The following KLF2 variants were observed in gnomAD, a reference collection of about 807,000 sequenced individuals.
The protein encoded by KLF2 is KLF transcription factor 2.
KLF2 carries 9 observed loss-of-function variants against 22.2 expected under a neutral mutation model. That is an observed-to-expected ratio of 0.40 (90% confidence interval 0.24 to 0.71). The LOEUF (loss-of-function observed/expected upper bound fraction) is 0.71. KLF2 is among the 30% of genes least tolerant of loss of function. The pLI is 0.35. For missense variants in KLF2, 481 were observed against 542.1 expected (o/e 0.89, Z 1.12); for synonymous variants, 299 against 264.2 (o/e 1.13, Z -1.28).
rs1172870328 is a variant in KLF2, at chr19:16,324,960, A to G, written c.37A>G (p.Thr13Ala). Residue 13 changes from threonine (T) to alanine (A), a missense_variant, in exon 1 of 3, where the codon ACT becomes GCT. By Grantham distance (58) the Thr-to-Ala change is moderately conservative (BLOSUM62 0). Transcript: ENST00000248071. ...TGAACCCATCCTGCCGTCCTTCTCC[A>G]CTTTCGCCAGCCCGTGCCGCGAGCG... is the stretch of plus-strand genomic sequence containing the variant. ...LSEPILPSFSTFASPCRERGL... is the reference protein window; with the variant it reads ...LSEPILPSFSAFASPCRERGL... 22 of 1,602,244 alleles carry G rather than the reference A, an allele frequency of 1.4e-5. No homozygotes were observed. Among genetic ancestry groups the G allele is most frequent in the Non-Finnish European group, 1.9e-5 (22 of 1,175,426 alleles).
intron 2 of KLF2, 149 bp from the exon 3 acceptor site, chr19:16,326,707 G>C: frequency 1.3e-6 from 1 of 756,068 alleles, no homozygotes; most frequent in East Asian, 2.7e-5. Context: ...GGGAGTTGGG[G>C]ATGTAGGGCA....
intron 2 of KLF2, 49 bp from the exon 3 acceptor site, chr19:16,326,807 C>T: frequency 6.4e-7 from 1 of 1,568,168 alleles, no homozygotes; most frequent in African/African-American, 1.3e-5. Flanking sequence ...GCCATACGTG[C>T]CCTGTCCTGG....
chr19:16,327,297 CT>C lies in KLF2; in HGVS notation c.*267del. Reference sequence around the variant, plus strand: ...GGTGCAATAATTTAAGTGGCATCTTCTCTCCCACCGGGTCTACACTAGAGGA... The same window carrying C: ...GGTGCAATAATTTAAGTGGCATCTTCCTCCCACCGGGTCTACACTAGAGGA... On this transcript the variant is annotated 3_prime_UTR_variant, in exon 3 of 3. Transcript: ENST00000248071. 2 of 271,554 alleles carry C rather than the reference CT, an allele frequency of 7.4e-6. No individual in the cohort carries two copies. Among genetic ancestry groups the C allele is most frequent in the South Asian group, 1.7e-4 (1 of 6,018 alleles). The allele number at this position is 271,554 out of a possible 1,614,324, so 16.8% of individuals were successfully genotyped here. A position where few individuals can be genotyped will look rare whatever the true frequency, so the allele number is the denominator to read the frequency against.
intron 1 of KLF2, 45 bp from the exon 2 acceptor site, chr19:16,325,171 C>G (rs1358280874): frequency 2.1e-6 from 3 of 1,422,820 alleles, no homozygotes; most frequent in Non-Finnish European, 2.8e-6. Context: ...GCAGCGCCCC[C>G]CGAGCCCCGC....
chr19:16,326,086 T>C, intron 2 of KLF2, 54 bp downstream of exon 2: 2 of 1,489,644 alleles, frequency 1.3e-6, no homozygotes, highest in South Asian at 1.2e-5. Context: ...GGAGGAGAGG[T>C]CGGATTCCCA....
chr19:16,324,987 G>T lies in KLF2; in HGVS notation c.64G>T (p.Gly22Cys). The part of the protein sequence containing the change: ...STFASPCRER[G>C]LQERWPRAEP... ...TTTCGCCAGCCCGTGCCGCGAGCGC[G>T]GCCTGCAGGAGGTGAGGGCGGCGGG... The change falls in exon 1 of 3, where the codon GGC (glycine) becomes TGC (cysteine). Residue 22 changes from glycine to cysteine, a missense_variant. By Grantham distance (159) the Gly-to-Cys change is radical. This residue lies in a region of KLF2 where 421 missense variants were observed against 435.1 expected (regional missense o/e 0.97). Coordinates refer to ENST00000248071, the MANE Select transcript of KLF2 (RefSeq NM_016270.4). The T allele has an allele frequency of 1.9e-6, 3 of 1,599,398 alleles. No homozygotes were observed. Among genetic ancestry groups the T allele is most frequent in the Non-Finnish European group, 1.7e-6 (2 of 1,174,332 alleles).
In KLF2 at chr19:16,325,508, C is replaced by T; in HGVS notation, c.368C>T (p.Ala123Val). The change falls in exon 2 of 3, where the codon GCC becomes GTC. Residue 123 changes from alanine (A) to valine (V), a missense_variant. Around this residue, in one of 2 missense-constraint regions of KLF2, gnomAD observed 421 missense variants for 435.1 expected, o/e 0.97. Coordinates refer to ENST00000248071, the MANE Select transcript of KLF2 (RefSeq NM_016270.4). ...LLAPPGRLVK[A>V]EPPEADGGGG... ...GCGCCGCCCGGCCGCCTGGTCAAGG[C>T]CGAGCCCCCTGAAGCGGACGGCGGC... 7.5e-7 allele frequency: 1 copy of T among 1,328,100 alleles called. No homozygotes were observed. Among genetic ancestry groups the T allele is most frequent in the South Asian group, 1.9e-5 (1 of 53,254 alleles). 82.3% of individuals were successfully genotyped at this position (1,328,100 alleles called of 1,614,324 possible).
In KLF2 at chr19:16,325,764, C is replaced by T; in HGVS notation, c.624C>T (p.Gly208=). 1.6e-6 allele frequency: 2 copies of T among 1,272,554 alleles called. No homozygotes were observed. Among genetic ancestry groups the T allele is most frequent in the East Asian group, 3.3e-5 (1 of 29,962 alleles). The allele number at this position is 1,272,554 out of a possible 1,614,324, so 78.8% of individuals were successfully genotyped here. The change falls in exon 2 of 3, where the codon GGC becomes GGT. Residue 208 remains glycine, a synonymous_variant. Transcript: ENST00000248071. ...CTGGTTTCGGCGCGCCCGGGCCCGG[C>T]CTGCATTACGCGCCGCCTGCGCCCC... ...GGPGFGAPGP[G]LHYAPPAPPA... is the part of the protein sequence containing the mutation.
At chr19:16,326,149 A>G (rs943277673) in intron 2 of KLF2, 117 bp downstream of exon 2, 1 of 1,034,060 alleles carries the variant, frequency 9.7e-7, no homozygotes, top group Non-Finnish European at 1.4e-6. Flanking sequence ...GCTCAGGGGG[A>G]TCTGGCAGGT....
intron 2 of KLF2, among the ~76,000 whole-genome samples, chr19:16,326,588 C>T (rs538022671): frequency 4.3e-4 from 65 of 152,034 alleles, no homozygotes; most frequent in Middle Eastern, 3.4e-3. Context: ...TCTTAGAATG[C>T]TGGAGAGAGG....
Position 16,327,163 on chromosome 19 carries a change from C to T in KLF2, c.*132C>T. ...CGGGCACAGCGTGGCTACAGAGGGT[C>T]TCCCTCGATGACGACGACGACGACG... On this transcript the variant is annotated 3_prime_UTR_variant, in exon 3 of 3. Coordinates refer to ENST00000248071, the MANE Select transcript of KLF2 (RefSeq NM_016270.4). 1.1e-6 allele frequency: 1 copy of T among 887,080 alleles called. No individual in the cohort carries two copies. The highest frequency in any genetic ancestry group is 1.6e-6 in the Non-Finnish European group (1 of 610,876). The allele number at this position is 887,080 out of a possible 1,614,324, so 55.0% of individuals were successfully genotyped here.
chr19:16,326,493 G>A (rs2145197351), intron 2 of KLF2, among the ~76,000 whole-genome samples: 1 of 152,150 alleles, frequency 6.6e-6, no homozygotes, highest in African/African-American at 2.4e-5. Context: ...GTTGGGGAGG[G>A]CGCTCAGGCT....
At chr19:16,326,761 G>A (rs2091891420) in intron 2 of KLF2, 95 bp from the exon 3 acceptor site, 2 of 1,267,592 alleles carry the variant, frequency 1.6e-6, no homozygotes, top group Non-Finnish European at 2.2e-6. Context: ...AGCGCGTCAA[G>A]GCCCTGGTTA....
At chr19:16,325,113 G>T in intron 1 of KLF2, 103 bp from the exon 2 acceptor site, 4 of 1,306,980 alleles carry the variant, frequency 3.1e-6, no homozygotes, top group Non-Finnish European at 3.1e-6. Context: ...ACTCAGGAGA[G>T]GAGGATGCGG....
chr19:16,325,414 G>T lies in KLF2; in HGVS notation c.274G>T (p.Val92Leu). Residue 92 changes from valine to leucine, a missense_variant, in exon 2 of 3, where the codon GTG becomes TTG. By Grantham distance (32) the Val-to-Leu change is conservative. Coordinates refer to ENST00000248071, the MANE Select transcript of KLF2 (RefSeq NM_016270.4). ...PPYSAPAGGL[V>L]SELLRPELDA... Reference sequence around the variant, plus strand: ...CTACAGCGCCCCCGCGGGTGGCCTGGTGTCTGAGCTGCTGCGACCCGAGCT... The same window carrying T: ...CTACAGCGCCCCCGCGGGTGGCCTGTTGTCTGAGCTGCTGCGACCCGAGCT... 7.0e-7 allele frequency: 1 copy of T among 1,427,470 alleles called. No homozygotes were observed. The highest frequency in any genetic ancestry group is 1.4e-5 in the South Asian group (1 of 69,028). The allele number at this position is 1,427,470 out of a possible 1,614,324, so 88.4% of individuals were successfully genotyped here.
chr19:16,326,187 C>T (rs886187225), intron 2 of KLF2, among the ~76,000 whole-genome samples, 155 bp downstream of exon 2: 7 of 143,666 alleles, frequency 4.9e-5, no homozygotes, highest in African/African-American at 1.8e-4. Flanking sequence ...CCCCAGGAGG[C>T]GTGGCTCGGG....
chr19:16,325,161 G>C, intron 1 of KLF2, 55 bp from the exon 2 acceptor site: 2 of 1,385,974 alleles, frequency 1.4e-6, no homozygotes, highest in Non-Finnish European at 1.9e-6. Flanking sequence ...TAAAAGGCAA[G>C]CAGCGCCCCC....
chr19:16,326,127 C>T lies in KLF2; in HGVS notation c.892+95C>T, dbSNP rs750291829. ...CGCCAGAAAATGAATTTAGGACCTC[C>T]CTTGGGGCGTGGCTCAGGGGGATCT... On this transcript the variant is annotated intron_variant, in intron 2 of 2. Transcript: ENST00000248071. The T allele has an allele frequency of 8.1e-6, 10 of 1,241,604 alleles. No homozygotes were observed. The East Asian group carries it at 1.5e-4, about 18-fold the overall frequency. 76.9% of individuals were successfully genotyped at this position (1,241,604 alleles called of 1,614,324 possible).
chr19:16,325,716 C>A lies in KLF2; in HGVS notation c.576C>A (p.Ser192=). ...TGCCCGCGCCCGGTCCGCGCGCCTC[C>A]TTCCCGCCGCCTTTCGGTGGCCCTG... The part of the protein sequence containing the change: ...ARLPAPGPRA[S]FPPPFGGPGF... Residue 192 remains serine (S), a synonymous_variant, in exon 2 of 3, where the codon TCC becomes TCA. Coordinates refer to ENST00000248071, the MANE Select transcript of KLF2 (RefSeq NM_016270.4). 8.4e-7 allele frequency: 1 copy of A among 1,190,438 alleles called. No individual in the cohort carries two copies. The highest frequency in any genetic ancestry group is 1.0e-6 in the Non-Finnish European group (1 of 964,766). 73.7% of individuals were successfully genotyped at this position (1,190,438 alleles called of 1,614,324 possible).
Sources: gnomAD v4.1 joint callset for allele counts (sites outside exome capture counted in the v4.1 genomes callset) on GRCh38, gnomAD v4.1.1 for gene constraint, gnomAD v4.1.1 regional missense constraint, MANE v1.5 for transcripts, NCBI Gene and HGNC (gene_info 2026-07-23, HGNC 2026-07-21) for gene names.